PTK7: variants seen among roughly 807,000 people sequenced by gnomAD.
PTK7 encodes the protein inactive tyrosine-protein kinase 7.
In PTK7, 39 loss-of-function variants were observed where a neutral mutation model predicts 116.6. The observed-to-expected ratio is 0.33, with a 90% confidence interval of 0.26 to 0.44. The LOEUF is 0.44. Ranked by LOEUF, PTK7 falls within the 20% of genes least tolerant of loss-of-function variation. The pLI is 1.00. For synonymous variants in PTK7, 546 were observed against 563.6 expected, an observed-to-expected ratio of 0.97 and a Z score of 0.44; for missense variants, 1,169 against 1,425.6, an observed-to-expected ratio of 0.82 and a Z score of 2.90.
chr6:43,084,791 G>A (rs1183898245), intron 1 of PTK7, among the ~76,000 whole-genome samples: 2 of 152,170 alleles, frequency 1.3e-5, no homozygotes, highest in African/African-American at 4.8e-5. Context: ...CAAATAGGGG[G>A]TGGGAGGGCT....
At position 43,158,807 on chromosome 6, in the gene PTK7, A is replaced by G. The variant is rs1230086932; in HGVS notation, c.2722-10A>G. The G allele has an allele frequency of 5.6e-6, 9 of 1,613,170 alleles. No individual in the cohort carries two copies. Among genetic ancestry groups the G allele is most frequent in the South Asian group, 1.1e-5 (1 of 90,892 alleles). On this transcript the variant is annotated splice_polypyrimidine_tract_variant and intron_variant, in intron 17 of 19. Coordinates refer to ENST00000230419, the MANE Select transcript of PTK7 (RefSeq NM_002821.5). ...CTGGGCTGCTCTAACAGGCCCCTTTATCTCTCCAGGTGGCCCTATGCACCC... is the reference window on the plus strand; with the variant it reads ...CTGGGCTGCTCTAACAGGCCCCTTTGTCTCTCCAGGTGGCCCTATGCACCC...
intron 1 of PTK7, among the ~76,000 whole-genome samples, chr6:43,081,938 G>T (rs1448148159): frequency 7.9e-5 from 12 of 152,222 alleles, no homozygotes; most frequent in African/African-American, 2.9e-4. Context: ...GCTGGTTTTG[G>T]TGGTGGTTTT....
rs114540305 is a variant in PTK7 at position 43,095,626 on chromosome 6, G to A, written c.79+19059G>A. Among the ~76,000 whole-genome samples the A allele has an allele frequency of 3.8e-3, 586 of 152,300 alleles. 3 individuals are homozygous for A. The highest frequency in any genetic ancestry group is 0.014 in the African/African-American group (567 of 41,554). On this transcript the variant is annotated intron_variant, in intron 1 of 19. Coordinates refer to ENST00000230419, the MANE Select transcript of PTK7 (RefSeq NM_002821.5). ...CCTCGATTAAGGAATGCTCTTCTCCGCTTCGGTTGGCTTCCTATGAGAGTG... is the reference window on the plus strand; with the variant it reads ...CCTCGATTAAGGAATGCTCTTCTCCACTTCGGTTGGCTTCCTATGAGAGTG...
intron 1 of PTK7, among the ~76,000 whole-genome samples, chr6:43,119,812 G>A (rs1268206393): frequency 6.6e-6 from 1 of 152,176 alleles, no homozygotes; most frequent in Non-Finnish European, 1.5e-5. Context: ...TCCTCTTGGG[G>A]CCAAGAATGG....
Position 43,145,143 on chromosome 6 carries a change from T to C in PTK7, c.2408-57T>C, listed in dbSNP as rs1770653650. ...GGAGAGGCTAGGCCCCTCCCCCAGGTCAGGAGCTGCCTCGGCCTGGGTGAA... is the reference window on the plus strand; with the variant it reads ...GGAGAGGCTAGGCCCCTCCCCCAGGCCAGGAGCTGCCTCGGCCTGGGTGAA... On this transcript the variant is annotated intron_variant, in intron 15 of 19. Coordinates refer to ENST00000230419, the MANE Select transcript of PTK7 (RefSeq NM_002821.5). The surrounding 1 kb of genome is among the most constrained non-coding windows in gnomAD (Gnocchi z 4.8). The C allele has an allele frequency of 1.3e-6, 2 of 1,490,772 alleles. No homozygotes were observed. Among genetic ancestry groups the C allele is most frequent in the Non-Finnish European group, 1.8e-6 (2 of 1,101,316 alleles). 92.3% of individuals were successfully genotyped at this position (1,490,772 alleles called of 1,614,324 possible).
chr6:43,105,972 G>A (rs1041264523), intron 1 of PTK7, among the ~76,000 whole-genome samples: 7 of 152,288 alleles, frequency 4.6e-5, no homozygotes, highest in East Asian at 3.9e-4. Flanking sequence ...GCATTATCCC[G>A]TAGCCGTGCC....
At chr6:43,092,710 G>A (rs751971179) in intron 1 of PTK7, among the ~76,000 whole-genome samples, 40 of 152,186 alleles carry the variant, frequency 2.6e-4, no homozygotes, top group Non-Finnish European at 3.5e-4. Flanking sequence ...CTGTGATACT[G>A]TGAATGCTCA....
At chr6:43,110,146 A>G (rs1768115296) in intron 1 of PTK7, among the ~76,000 whole-genome samples, 1 of 150,704 alleles carries the variant, frequency 6.6e-6, no homozygotes, top group South Asian at 2.1e-4. Flanking sequence ...ACAGGCGCGC[A>G]ACACCATGCC....
chr6:43,148,326 A>C (rs1334119190), intron 17 of PTK7, among the ~76,000 whole-genome samples: 4 of 152,230 alleles, frequency 2.6e-5, no homozygotes, highest in Non-Finnish European at 4.4e-5. Flanking sequence ...GAGATTAGGT[A>C]CATGAGTATG....
Position 43,139,320 on chromosome 6 carries a change from G to A in PTK7, c.1498+49G>A, listed in dbSNP as rs750001479. On this transcript the variant is annotated intron_variant, in intron 9 of 19. Transcript: ENST00000230419. The surrounding 1 kb of genome is among the most constrained non-coding windows in gnomAD (Gnocchi z 4.6). ...GCACCCTTCCTGGCTAGGCAGGAGA[G>A]GAAAGGGGAGGGAGCAGCAGGCCTG... 1 of 1,614,098 alleles carries A rather than the reference G, an allele frequency of 6.2e-7. No individual in the cohort carries two copies. Among genetic ancestry groups the A allele is most frequent in the Admixed American group, 1.7e-5 (1 of 60,020 alleles).
intron 1 of PTK7, among the ~76,000 whole-genome samples, chr6:43,124,048 A>G (rs1769131270): frequency 6.6e-6 from 1 of 152,150 alleles, no homozygotes; most frequent in African/African-American, 2.4e-5. Context: ...CGTGGCCTGC[A>G]TCTCCATGGG....
rs779605267 is a variant in PTK7, at chr6:43,144,392, C to T, written c.2252-59C>T. 11 of 1,603,828 alleles carry T rather than the reference C, an allele frequency of 6.9e-6. No homozygotes were observed. The South Asian group carries it at 1.2e-4, about 18-fold the overall frequency. On this transcript the variant is annotated intron_variant, in intron 14 of 19. Transcript: ENST00000230419. ...GAAGACCAGGGGACAGAACAGAAATCCCCATGGTGGCCAGAGTGTCAGGTC... is the reference window on the plus strand; with the variant it reads ...GAAGACCAGGGGACAGAACAGAAATTCCCATGGTGGCCAGAGTGTCAGGTC...
intron 1 of PTK7, among the ~76,000 whole-genome samples, chr6:43,102,249 AC>A (rs1305496620): frequency 6.6e-6 from 1 of 152,082 alleles, no homozygotes; most frequent in Non-Finnish European, 1.5e-5. Flanking sequence ...ATACAGTGAA[AC>A]CCCATCTCTA....
At chr6:43,155,175 G>A (rs1002883383) in intron 17 of PTK7, among the ~76,000 whole-genome samples, 3 of 152,056 alleles carry the variant, frequency 2.0e-5, no homozygotes, top group Non-Finnish European at 4.4e-5. Flanking sequence ...TATATGGCAC[G>A]TGGTAGATAC....
chr6:43,154,162 C>A (rs1771284963), intron 17 of PTK7, among the ~76,000 whole-genome samples: 2 of 149,936 alleles, frequency 1.3e-5, no homozygotes, highest in African/African-American at 4.9e-5. Context: ...GACTCAGTCT[C>A]TAAATAAATA....
At position 43,129,438 on chromosome 6, in the gene PTK7, T is replaced by A. The variant is rs975856410; in HGVS notation, c.367+174T>A. 8 of 1,019,734 alleles carry A rather than the reference T, an allele frequency of 7.8e-6. No individual in the cohort carries two copies. The highest frequency in any genetic ancestry group is 1.1e-5 in the Non-Finnish European group (8 of 713,886). 63.2% of individuals were successfully genotyped at this position (1,019,734 alleles called of 1,614,324 possible). A position where few individuals can be genotyped will look rare whatever the true frequency, so the allele number is the denominator to read the frequency against. ...GATAAGAGGAAATTAAAAGTTATAT[T>A]TTTTCCAAAATTTTTTCCTTCAAGT... On this transcript the variant is annotated intron_variant, in intron 2 of 19. Transcript: ENST00000230419. The surrounding 1 kb of genome is among the most constrained non-coding windows in gnomAD (Gnocchi z 4.5).
chr6:43,081,694 T>G (rs553707951), intron 1 of PTK7, among the ~76,000 whole-genome samples: 1 of 152,286 alleles, frequency 6.6e-6, no homozygotes, highest in African/African-American at 2.4e-5. Context: ...CGTGAGCCAC[T>G]GCACCCAGCC....
At chr6:43,153,940 T>C (rs1582220897) in intron 17 of PTK7, among the ~76,000 whole-genome samples, 1 of 151,824 alleles carries the variant, frequency 6.6e-6, no homozygotes, top group African/African-American at 2.4e-5. Flanking sequence ...CCGAGGCAGG[T>C]GGATCACTTA....
rs756701190 is a variant in PTK7 at position 43,142,163 on chromosome 6, C to G, written c.1920-9C>G. 2 of 1,613,824 alleles carry G rather than the reference C, an allele frequency of 1.2e-6. No homozygotes were observed. The highest frequency in any genetic ancestry group is 1.7e-6 in the Non-Finnish European group (2 of 1,179,954). ...GAGCTGGCCAGCACTATGGCTTCTCCCCCGACAGGATGCACATCTTCCAGA... is the reference window on the plus strand; with the variant it reads ...GAGCTGGCCAGCACTATGGCTTCTCGCCCGACAGGATGCACATCTTCCAGA... On this transcript the variant is annotated splice_polypyrimidine_tract_variant and intron_variant, in intron 12 of 19. Transcript: ENST00000230419.
Sources: allele counts gnomAD v4.1 joint callset (sites outside exome capture counted in the v4.1 genomes callset), GRCh38; gene constraint gnomAD v4.1.1; non-coding constraint Gnocchi (gnomAD v3.1); transcripts MANE v1.5; gene names NCBI Gene and HGNC (gene_info 2026-07-23, HGNC 2026-07-21).